Variants in EMILIN3 observed in about 807,000 individuals in gnomAD.
The protein encoded by EMILIN3 is EMILIN-3.
A neutral mutation model predicts 42.8 loss-of-function variants in EMILIN3; 38 were observed. The ratio of observed to expected loss-of-function variants is 0.89; its 90% CI spans 0.69 to 1.16. EMILIN3 has a LOEUF of 1.16. Among genes scored for constraint, EMILIN3 ranks in the 50% most tolerant of loss-of-function variants. EMILIN3 has a pLI of 0.00. For synonymous variants in EMILIN3, 430 were observed against 440.5 expected, an observed-to-expected ratio of 0.98 and a Z score of 0.30; for missense variants, 924 against 999.5, an observed-to-expected ratio of 0.92 and a Z score of 1.02.
chr20:41,362,603 C>A lies in EMILIN3; in HGVS notation c.966G>T (p.Lys322Asn). The change falls in exon 4 of 4, where the codon AAG becomes AAT. Residue 322 changes from lysine (K) to asparagine (N), a missense_variant. By Grantham distance (94) the Lys-to-Asn change is moderately conservative. Transcript: ENST00000332312. ...WGSLLDGFEQKLQGVQSECDL... is the reference protein window; with the variant it reads ...WGSLLDGFEQNLQGVQSECDL... The stretch of plus-strand genomic sequence containing the variant: ...CACACTCACTCTGGACGCCTTGCAG[C>A]TTCTGCTCAAAGCCATCCAGCAGGC... 1 of 1,602,796 alleles carries A rather than the reference C, an allele frequency of 6.2e-7. No individual in the cohort carries two copies. The highest frequency in any genetic ancestry group is 8.5e-7 in the Non-Finnish European group (1 of 1,179,494).
rs2046366817 is a variant in EMILIN3 at position 41,362,226 on chromosome 20, C to A, written c.1343G>T (p.Gly448Val). Residue 448 changes from glycine to valine, a missense_variant, in exon 4 of 4, where the codon GGA becomes GTA. Coordinates refer to ENST00000332312, the MANE Select transcript of EMILIN3 (RefSeq NM_052846.2). ...GLETLNGTEGGARGCCLRLDM... is the reference protein window; with the variant it reads ...GLETLNGTEGVARGCCLRLDM... ...CAACCTCAGACAGCATCCCCTTGCT[C>A]CACCCTCTGTCCCATTGAGCGTCTC... 2 of 1,613,882 alleles carry A rather than the reference C, an allele frequency of 1.2e-6. No homozygotes were observed. Among genetic ancestry groups the A allele is most frequent in the Non-Finnish European group, 1.7e-6 (2 of 1,180,004 alleles).
At position 41,361,372 on chromosome 20, in the gene EMILIN3, G is replaced by A. The variant is rs201529358; in HGVS notation, c.2197C>T (p.Arg733Cys). 12 of 1,613,210 alleles carry A rather than the reference G, an allele frequency of 7.4e-6. No homozygotes were observed. In the East Asian group the frequency reaches 8.9e-5, roughly 12 times the overall value. Residue 733 changes from arginine to cysteine, a missense_variant, in exon 4 of 4, where the codon CGT (arginine) becomes TGT (cysteine). Transcript: ENST00000332312. ...TCCTGCGTGTGCTGGGCCAGCGTACGATTCAGCTGGTCCACATGGCTCCAC... is the reference window on the plus strand; with the variant it reads ...TCCTGCGTGTGCTGGGCCAGCGTACAATTCAGCTGGTCCACATGGCTCCAC... ...GLWSHVDQLN[R>C]TLAQHTQDIA...
chr20:41,362,804 C>T lies in EMILIN3; in HGVS notation c.765G>A (p.Val255=). The part of the protein sequence containing the change: ...TPPLDEILSK[V]TEVSNTLQTK... ...TCTGAAGAGTGTTGCTCACCTCTGT[C>T]ACCTTGCTTAGGATCTCGTCTAAGG... Residue 255 remains valine (V), a synonymous_variant, in exon 4 of 4, where the codon GTG becomes GTA. Transcript: ENST00000332312. The T allele has an allele frequency of 6.2e-7, 1 of 1,614,216 alleles. No homozygotes were observed. Among genetic ancestry groups the T allele is most frequent in the Non-Finnish European group, 8.5e-7 (1 of 1,180,040 alleles).
rs199593576 is a variant in EMILIN3, at chr20:41,363,857, G to A, written c.295C>T (p.Arg99Cys). The change falls in exon 3 of 4, where the codon CGC becomes TGC. Residue 99 changes from arginine to cysteine, a missense_variant. Coordinates refer to ENST00000332312, the MANE Select transcript of EMILIN3 (RefSeq NM_052846.2). ...GPKCPGTVTY[R>C]TVLRPKYKVG... The stretch of plus-strand genomic sequence containing the variant: ...TTGTATTTGGGTCTGAGTACTGTGC[G>A]GTACCTGGGCCAGGGAGGGCAAGAG... The A allele has an allele frequency of 3.4e-5, 55 of 1,613,046 alleles. No individual in the cohort carries two copies. In the East Asian group the frequency reaches 6.7e-4, roughly 20 times the overall value.
Position 41,363,831 on chromosome 20 carries a change from C to G in EMILIN3, c.321G>C (p.Lys107Asn). 1 of 1,614,138 alleles carries G rather than the reference C, an allele frequency of 6.2e-7. No individual in the cohort carries two copies. Among genetic ancestry groups the G allele is most frequent in the Non-Finnish European group, 8.5e-7 (1 of 1,180,006 alleles). ...TYRTVLRPKY[K>N]VGYKTVTDLA... is the part of the protein sequence containing the mutation. The stretch of plus-strand genomic sequence containing the variant: ...GGTCTGTCACTGTCTTGTAGCCAAC[C>G]TTGTATTTGGGTCTGAGTACTGTGC... Residue 107 changes from lysine to asparagine, a missense_variant, in exon 3 of 4, where the codon AAG (lysine) becomes AAC (asparagine). Lys to Asn is a moderately conservative substitution (Grantham distance 94). Coordinates refer to ENST00000332312, the MANE Select transcript of EMILIN3 (RefSeq NM_052846.2).
intron 1 of EMILIN3, among the ~76,000 whole-genome samples, chr20:41,365,702 C>A (rs1600756780): frequency 1.3e-5 from 2 of 152,332 alleles, no homozygotes; most frequent in South Asian, 4.1e-4. Context: ...CCCAGGCCCA[C>A]TGAGTGTCGG....
Position 41,361,863 on chromosome 20 carries a change from T to C in EMILIN3, c.1706A>G (p.Gln569Arg). The C allele has an allele frequency of 6.2e-7, 1 of 1,613,558 alleles. No homozygotes were observed. ...GCCCGTCCCTTCTGCCAGCTGTCCCTGGACCTCGGCCACAGTGCCATTGAG... is the reference window on the plus strand; with the variant it reads ...GCCCGTCCCTTCTGCCAGCTGTCCCCGGACCTCGGCCACAGTGCCATTGAG... The part of the protein sequence containing the change: ...QQLNGTVAEV[Q>R]GQLAEGTGSS... The change falls in exon 4 of 4, where the codon CAG (glutamine) becomes CGG (arginine). Residue 569 changes from glutamine to arginine, a missense_variant. Transcript: ENST00000332312.
rs760592769 is a variant in EMILIN3, at chr20:41,361,216, G to A, written c.*52C>T. On this transcript the variant is annotated 3_prime_UTR_variant, in exon 4 of 4. Coordinates refer to ENST00000332312, the MANE Select transcript of EMILIN3 (RefSeq NM_052846.2). ...CTGCTGGATAAGGCTGGGCTCTGGGGTGATGTTCCCCGAGTTGGTGGGATC... is the reference window on the plus strand; with the variant it reads ...CTGCTGGATAAGGCTGGGCTCTGGGATGATGTTCCCCGAGTTGGTGGGATC... The A allele has an allele frequency of 2.0e-5, 30 of 1,500,908 alleles. 1 individual carries two copies. The South Asian group carries it at 3.8e-4, about 19-fold the overall frequency. The allele number at this position is 1,500,908 out of a possible 1,614,324, so 93.0% of individuals were successfully genotyped here.
In EMILIN3 at chr20:41,362,584, C is replaced by G; in HGVS notation, c.985G>C (p.Glu329Gln). 6.2e-7 allele frequency: 1 copy of G among 1,601,142 alleles called. No individual in the cohort carries two copies. ...FEQKLQGVQS[E>Q]CDLRVQEVRR... ...ACCTCCTGCACCCGCAGGTCACACT[C>G]ACTCTGGACGCCTTGCAGCTTCTGC... Residue 329 changes from glutamate to glutamine, a missense_variant, in exon 4 of 4, where the codon GAG (glutamate) becomes CAG (glutamine). Glu to Gln is a conservative substitution (Grantham distance 29). Coordinates refer to ENST00000332312, the MANE Select transcript of EMILIN3 (RefSeq NM_052846.2).
chr20:41,366,101 G>A lies in EMILIN3; in HGVS notation c.167+367C>T, dbSNP rs991718146. Reference sequence around the variant, plus strand: ...GGAGAGAAGGGAGGCCCGGGGCGGGGGAGCCCCGCGTGCTCAGCGCGCGGA... The same window carrying A: ...GGAGAGAAGGGAGGCCCGGGGCGGGAGAGCCCCGCGTGCTCAGCGCGCGGA... On this transcript the variant is annotated intron_variant, in intron 1 of 3. Coordinates refer to ENST00000332312, the MANE Select transcript of EMILIN3 (RefSeq NM_052846.2). This position sits in a 1 kb window ranked among gnomAD's most constrained non-coding sequence, Gnocchi z 4.2. Among the ~76,000 whole-genome samples the A allele has an allele frequency of 2.5e-4, 38 of 152,270 alleles. No individual in the cohort carries two copies. The highest frequency in any genetic ancestry group is 2.2e-3 in the Admixed American group (34 of 15,308).
chr20:41,364,919 GTGGGC>G lies in EMILIN3; in HGVS notation c.290+111_290+115del. On this transcript the variant is annotated intron_variant, in intron 2 of 3. Coordinates refer to ENST00000332312, the MANE Select transcript of EMILIN3 (RefSeq NM_052846.2). ...TACTCTGGCCTGTATGGGGGCTCAGGTGGGCTCTCTGGAGTCCAAGAAGCCCCTTG... is the reference window on the plus strand; with the variant it reads ...TACTCTGGCCTGTATGGGGGCTCAGGTCTCTGGAGTCCAAGAAGCCCCTTG... The G allele has an allele frequency of 2.0e-6, 3 of 1,477,608 alleles. No homozygotes were observed. The South Asian group carries it at 3.8e-5, about 19-fold the overall frequency. The allele number at this position is 1,477,608 out of a possible 1,614,324, so 91.5% of individuals were successfully genotyped here. A position where few individuals can be genotyped will look rare whatever the true frequency, so the allele number is the denominator to read the frequency against.
rs371222477 is a variant in EMILIN3 at position 41,363,689 on chromosome 20, C to T, written c.463G>A (p.Asp155Asn). The T allele has an allele frequency of 1.1e-5, 18 of 1,613,714 alleles. No individual in the cohort carries two copies. Among genetic ancestry groups the T allele is most frequent in the African/African-American group, 1.1e-4 (8 of 74,940 alleles). ...TAGGAAGGGGGCCTGGGGCCTGGGT[C>T]CAGCTGCCCTGAAGGAATCTGAGGC... The part of the protein sequence containing the change: ...PEPQIPSGQL[D>N]PGPRPPSYSR... The change falls in exon 3 of 4, where the codon GAC (aspartate) becomes AAC (asparagine). Residue 155 changes from aspartate (D) to asparagine (N), a missense_variant. Physicochemically the swap from Asp to Asn is conservative, Grantham distance 23. Coordinates refer to ENST00000332312, the MANE Select transcript of EMILIN3 (RefSeq NM_052846.2).
chr20:41,361,823 G>C lies in EMILIN3; in HGVS notation c.1746C>G (p.Gly582=). ...LAEGTGSSLQ[G]EITLLKVNLN... Reference sequence around the variant, plus strand: ...GATTGACCTTGAGCAGAGTGATCTCGCCTTGAAGTGAGCTGCCCGTCCCTT... The same window carrying C: ...GATTGACCTTGAGCAGAGTGATCTCCCCTTGAAGTGAGCTGCCCGTCCCTT... The change falls in exon 4 of 4, where the codon GGC becomes GGG. Residue 582 remains glycine, a synonymous_variant. Transcript: ENST00000332312. The C allele has an allele frequency of 6.2e-7, 1 of 1,613,542 alleles. No homozygotes were observed. Among genetic ancestry groups the C allele is most frequent in the Non-Finnish European group, 8.5e-7 (1 of 1,180,040 alleles).
chr20:41,366,470 G>C lies in EMILIN3; in HGVS notation c.165C>G (p.His55Gln). Residue 55 changes from histidine (H) to glutamine (Q), a missense_variant and splice_region_variant, in exon 1 of 4, where the codon CAC becomes CAG. Transcript: ENST00000332312. This position sits in a 1 kb window ranked among gnomAD's most constrained non-coding sequence, Gnocchi z 4.2. ...GCCCGCCGCCCGCCCGCGCTTACTTGTGCGGCCCCGGGCGCAGCCGCGGGC... is the reference window on the plus strand; with the variant it reads ...GCCCGCCGCCCGCCCGCGCTTACTTCTGCGGCCCCGGGCGCAGCCGCGGGC... ...GWRPRLRPGP[H>Q]KALCAYVVHR... 8.8e-7 allele frequency: 1 copy of C among 1,133,988 alleles called. No individual in the cohort carries two copies. The highest frequency in any genetic ancestry group is 1.1e-6 in the Non-Finnish European group (1 of 925,978). The allele number at this position is 1,133,988 out of a possible 1,614,324, so 70.2% of individuals were successfully genotyped here. A position where few individuals can be genotyped will look rare whatever the true frequency, so the allele number is the denominator to read the frequency against.
chr20:41,365,013 T>C (rs369704600), intron 2 of EMILIN3, 22 bp downstream of exon 2: 1 of 1,612,978 alleles, frequency 6.2e-7, no homozygotes, highest in South Asian at 1.1e-5. Flanking sequence ...ATTCCAAGTG[T>C]GTAGGTGAGG....
chr20:41,366,012 C>A lies in EMILIN3; in HGVS notation c.167+456G>T, dbSNP rs569697543. Among the ~76,000 whole-genome samples the A allele has an allele frequency of 1.6e-5, 2 of 121,386 alleles. No individual in the cohort carries two copies. Among genetic ancestry groups the A allele is most frequent in the East Asian group, 3.9e-4 (2 of 5,122 alleles). 79.6% of individuals were successfully genotyped at this position (121,386 alleles called of 152,430 possible). ...CTCCCATGGGGTTGCTGGGGCCAGG[C>A]TGACTGCGAGAGGGCAGCGGCCGCC... On this transcript the variant is annotated intron_variant, in intron 1 of 3. Transcript: ENST00000332312. The surrounding 1 kb of genome is among the most constrained non-coding windows in gnomAD (Gnocchi z 4.2).
At position 41,363,667 on chromosome 20, in the gene EMILIN3, G is replaced by A. The variant is rs1184986387; in HGVS notation, c.485C>T (p.Ser162Phe). The stretch of plus-strand genomic sequence containing the variant: ...AGGGCTGGGGGCTGCTCTGCTGTAG[G>A]AAGGGGGCCTGGGGCCTGGGTCCAG... ...GQLDPGPRPPSYSRAAPSPHG... is the reference protein window; with the variant it reads ...GQLDPGPRPPFYSRAAPSPHG... Residue 162 changes from serine (S) to phenylalanine (F), a missense_variant, in exon 3 of 4, where the codon TCC becomes TTC. Physicochemically the swap from Ser to Phe is radical, Grantham distance 155. Transcript: ENST00000332312. 2 of 1,613,064 alleles carry A rather than the reference G, an allele frequency of 1.2e-6. No individual in the cohort carries two copies. Among genetic ancestry groups the A allele is most frequent in the Non-Finnish European group, 1.7e-6 (2 of 1,179,696 alleles).
Position 41,361,600 on chromosome 20 carries a change from C to G in EMILIN3, c.1969G>C (p.Glu657Gln). The G allele has an allele frequency of 6.2e-7, 1 of 1,611,174 alleles. No homozygotes were observed. Residue 657 changes from glutamate (E) to glutamine (Q), a missense_variant, in exon 4 of 4, where the codon GAG becomes CAG. Glu to Gln is a conservative substitution (Grantham distance 29). Transcript: ENST00000332312. ...ACACCAGCCTTGAGTTGCTCCAGCT[C>G]CCCACGCAGGTTCAGGACCTGCCTG... ...GHRQVLNLRG[E>Q]LEQLKAGVAK...
In EMILIN3 at chr20:41,362,281, C is replaced by T. The variant is rs1329360883; in HGVS notation, c.1288G>A (p.Gly430Arg). ...LTRLSAAMLEGGVDGLLEGLE... is the reference protein window; with the variant it reads ...LTRLSAAMLERGVDGLLEGLE... ...CCCTCAAGCAGCCCGTCCACACCTC[C>T]CTCGAGCATGGCAGCAGAGAGCCTC... is the stretch of plus-strand genomic sequence containing the variant. Residue 430 changes from glycine to arginine, a missense_variant, in exon 4 of 4, where the codon GGA (glycine) becomes AGA (arginine). Physicochemically the swap from Gly to Arg is moderately radical, Grantham distance 125. Coordinates refer to ENST00000332312, the MANE Select transcript of EMILIN3 (RefSeq NM_052846.2). The T allele has an allele frequency of 6.2e-7, 1 of 1,613,958 alleles. No homozygotes were observed. The highest frequency in any genetic ancestry group is 1.7e-5 in the Admixed American group (1 of 60,024).
Sources: gnomAD v4.1 joint callset for allele counts (sites outside exome capture counted in the v4.1 genomes callset) on GRCh38, gnomAD v4.1.1 for gene constraint, Gnocchi (gnomAD v3.1) non-coding constraint, MANE v1.5 for transcripts, NCBI Gene and HGNC (gene_info 2026-07-23, HGNC 2026-07-21) for gene names.